PXDNL: variants seen among roughly 807,000 people sequenced by gnomAD.
The protein encoded by PXDNL is probable oxidoreductase PXDNL.
PXDNL carries 145 observed loss-of-function variants against 150.8 expected under a neutral mutation model. That is an observed-to-expected ratio of 0.96 (90% CI 0.84 to 1.10). The LOEUF (loss-of-function observed/expected upper bound fraction) is 1.10, where lower values mean the gene tolerates loss of function less well. Among genes scored for constraint, PXDNL ranks in the 50% least tolerant of loss-of-function variants. The pLI is 0.00. For missense variants in PXDNL, 2,087 were observed against 1,873.9 expected, an observed-to-expected ratio of 1.11 and a Z score of -2.10; for synonymous variants, 757 against 725.7, an observed-to-expected ratio of 1.04 and a Z score of -0.69.
intron 1 of PXDNL, among the ~76,000 whole-genome samples, chr8:51,781,912 C>T (rs2037419133): frequency 6.6e-6 from 1 of 152,228 alleles, no homozygotes; most frequent in South Asian, 2.1e-4. Flanking sequence ...AAGGCTGCTC[C>T]TGCCCAGAAT....
At chr8:51,718,306 T>G (rs1270096644) in intron 1 of PXDNL, among the ~76,000 whole-genome samples, 1 of 152,066 alleles carries the variant, frequency 6.6e-6, no homozygotes, top group East Asian at 1.9e-4. Flanking sequence ...GTGGGGGAAT[T>G]CCATCTTTAG....
chr8:51,357,512 T>C (rs1806548359), intron 19 of PXDNL, among the ~76,000 whole-genome samples: 1 of 152,234 alleles, frequency 6.6e-6, no homozygotes. Context: ...TGATGTGGCT[T>C]CTTCAGATGC....
At chr8:51,352,392 A>G (rs1350620042) in intron 19 of PXDNL, among the ~76,000 whole-genome samples, 2 of 152,154 alleles carry the variant, frequency 1.3e-5, no homozygotes, top group Non-Finnish European at 2.9e-5. Context: ...CATGGATAAT[A>G]TGGTTTGGCT....
At chr8:51,767,474 C>G (rs529569323) in intron 1 of PXDNL, among the ~76,000 whole-genome samples, 5 of 152,240 alleles carry the variant, frequency 3.3e-5, no homozygotes, top group South Asian at 4.1e-4. Context: ...TGTTAGTTAG[C>G]TAATTATTAG....
intron 6 of PXDNL, among the ~76,000 whole-genome samples, chr8:51,482,120 G>A (rs1192980695): frequency 6.6e-6 from 1 of 152,182 alleles, no homozygotes; most frequent in Non-Finnish European, 1.5e-5. Context: ...AAACCAGGAG[G>A]GAAGCTGTGC....
At chr8:51,374,842 G>A in intron 17 of PXDNL, 111 bp from the exon 18 acceptor site, 6 of 1,264,764 alleles carry the variant, frequency 4.7e-6, no homozygotes, top group Non-Finnish European at 6.5e-6. Flanking sequence ...AAAAAGAAAA[G>A]TAGATATGAT....
intron 2 of PXDNL, among the ~76,000 whole-genome samples, chr8:51,637,028 G>C (rs958186972): frequency 2.6e-5 from 4 of 152,140 alleles, no homozygotes; most frequent in African/African-American, 9.7e-5. Flanking sequence ...AACATTTGCT[G>C]CTCAGCAACA....
intron 2 of PXDNL, among the ~76,000 whole-genome samples, chr8:51,646,876 C>G (rs559491384): frequency 1.3e-5 from 2 of 152,224 alleles, no homozygotes; most frequent in East Asian, 3.9e-4. Context: ...AGGAAATGAT[C>G]CAGGGCACAG....
At chr8:51,644,337 T>TACACACACAC (rs371179403) in intron 2 of PXDNL, among the ~76,000 whole-genome samples, 1 of 50,168 alleles carries the variant, frequency 2.0e-5, no homozygotes. Flanking sequence ...TATATATATA[T>TACACACACAC]ACACACACAC....
intron 1 of PXDNL, among the ~76,000 whole-genome samples, chr8:51,683,575 A>G (rs76240508): frequency 0.02 from 3,073 of 152,168 alleles, 92 homozygotes; most frequent in African/African-American, 0.069. Flanking sequence ...CTGCTGTACA[A>G]CATTGCCCCT....
chr8:51,353,644 G>A (rs954957728), intron 19 of PXDNL, among the ~76,000 whole-genome samples: 2 of 152,096 alleles, frequency 1.3e-5, no homozygotes, highest in African/African-American at 4.8e-5. Context: ...ATCAATATTT[G>A]AGAATCTTTA....
intron 5 of PXDNL, among the ~76,000 whole-genome samples, chr8:51,486,619 C>T (rs13271514): frequency 0.66 from 98,940 of 149,794 alleles, 35,004 homozygotes; most frequent in Non-Finnish European, 0.79. Context: ...TTTCTTTCTT[C>T]TTTCCAACTT....
chr8:51,468,127 T>C (rs1365135469), intron 8 of PXDNL, among the ~76,000 whole-genome samples: 3 of 151,996 alleles, frequency 2.0e-5, no homozygotes, highest in African/African-American at 7.2e-5. Context: ...CTTGAAAAGA[T>C]AGTAAGGTTT....
chr8:51,577,999 G>GAAAGAAAGAAAGAGGA (rs1409948869), intron 3 of PXDNL, among the ~76,000 whole-genome samples: 2 of 31,546 alleles, frequency 6.3e-5, no homozygotes, highest in Admixed American at 3.7e-4. Context: ...AAGAAAGAAA[G>GAAAGAAAGAAAGAGGA]AGGAAGGAAG....
chr8:51,595,740 A>G (rs1239907056), intron 2 of PXDNL, among the ~76,000 whole-genome samples: 2 of 152,164 alleles, frequency 1.3e-5, no homozygotes, highest in African/African-American at 4.8e-5. Context: ...AAAGTCACTT[A>G]TAGCTACCCT....
rs537381350 is a variant in PXDNL, at chr8:51,446,255, T to C, written c.1525+749A>G. ...CTCATCAATATATGTTACCTCTGAATTGAGATCTAATACGTCAGAACAAAT... is the reference window on the plus strand; with the variant it reads ...CTCATCAATATATGTTACCTCTGAACTGAGATCTAATACGTCAGAACAAAT... On this transcript the variant is annotated intron_variant, in intron 12 of 22. Coordinates refer to ENST00000356297, the MANE Select transcript of PXDNL (RefSeq NM_144651.5). Among the ~76,000 whole-genome samples, 4 of 152,304 alleles carry C rather than the reference T, an allele frequency of 2.6e-5. 1 individual carries two copies. In the South Asian group the frequency reaches 8.3e-4, roughly 32 times the overall value.
chr8:51,411,249 C>A lies in PXDNL; in HGVS notation c.2062+1G>T. ...GAGAATAAAATGGCTTTGTGGCTGA[C>A]CTTTGCCTTCCAAGTCCACAGTGAG... On this transcript the variant is annotated splice_donor_variant, in intron 16 of 22. Transcript: ENST00000356297. LOFTEE classifies it high-confidence loss of function. 6.8e-7 allele frequency: 1 copy of A among 1,460,156 alleles called. No individual in the cohort carries two copies. 90.4% of individuals were successfully genotyped at this position (1,460,156 alleles called of 1,614,324 possible).
rs1267362184 is a variant in PXDNL at position 51,453,499 on chromosome 8, A to G, written c.1249+20T>C. ...GTGTGGCAGGAGGAACATTTCAATC[A>G]TGACCTTCTGCTCCCATACCTTGTA... On this transcript the variant is annotated intron_variant, in intron 10 of 22. Transcript: ENST00000356297. 6.2e-7 allele frequency: 1 copy of G among 1,609,874 alleles called. No individual in the cohort carries two copies. Among genetic ancestry groups the G allele is most frequent in the Non-Finnish European group, 8.5e-7 (1 of 1,176,454 alleles).
chr8:51,433,520 TG>T, intron 12 of PXDNL, among the ~76,000 whole-genome samples: 1 of 152,234 alleles, frequency 6.6e-6, no homozygotes, highest in Middle Eastern at 3.4e-3. Flanking sequence ...TAATTTGTAA[TG>T]TATTTCCTCT....
Sources: gnomAD v4.1 joint callset for allele counts (sites outside exome capture counted in the v4.1 genomes callset) on GRCh38, gnomAD v4.1.1 for gene constraint, MANE v1.5 for transcripts, NCBI Gene and HGNC (gene_info 2026-07-23, HGNC 2026-07-21) for gene names.